Variants in GPC5 observed in about 807,000 individuals in gnomAD.
GPC5 encodes the protein glypican-5.
A neutral mutation model predicts 53.9 loss-of-function variants in GPC5; 47 were observed. The ratio of observed to expected loss-of-function variants is 0.87; its 90% CI spans 0.69 to 1.11. The LOEUF is 1.11. Ranked by LOEUF, GPC5 falls within the 50% of genes most tolerant of loss-of-function variation. The pLI, the probability that GPC5 is intolerant of heterozygous loss-of-function variation, is 0.00. For missense variants in GPC5, 748 were observed against 713.1 expected, an observed-to-expected ratio of 1.05 and a Z score of -0.56; for synonymous variants, 286 against 263.3, an observed-to-expected ratio of 1.09 and a Z score of -0.84.
chr13:92,257,884 C>T lies in GPC5; in HGVS notation c.1561+112895C>T, dbSNP rs149940174. ...GTTTAGATAAGAGTCCTTTGAGTTG[C>T]GGAACTCATGAATGAAGTGAACTTG... is the stretch of plus-strand genomic sequence containing the variant. On this transcript the variant is annotated intron_variant, in intron 7 of 7. Transcript: ENST00000377067. Among the ~76,000 whole-genome samples the T allele has an allele frequency of 1.7e-4, 26 of 151,970 alleles. No individual in the cohort carries two copies. In the East Asian group the frequency reaches 2.1e-3, roughly 12 times the overall value.
At chr13:92,528,892 T>C (rs1170110881) in intron 7 of GPC5, among the ~76,000 whole-genome samples, 1 of 152,066 alleles carries the variant, frequency 6.6e-6, no homozygotes, top group Non-Finnish European at 1.5e-5. Context: ...CACTTATTAA[T>C]GATCATAAAG....
At chr13:92,296,334 T>C (rs2043034261) in intron 7 of GPC5, among the ~76,000 whole-genome samples, 1 of 151,474 alleles carries the variant, frequency 6.6e-6, no homozygotes, top group African/African-American at 2.4e-5. Context: ...CTCCCAAGAG[T>C]CTTCAGTTAC....
chr13:92,015,142 C>A (rs1042609504), intron 6 of GPC5, among the ~76,000 whole-genome samples: 2 of 151,954 alleles, frequency 1.3e-5, no homozygotes, highest in African/African-American at 4.8e-5. Context: ...GTTGTTTCCT[C>A]GGGGAAAGGG....
intron 2 of GPC5, among the ~76,000 whole-genome samples, chr13:91,478,615 T>C: frequency 6.6e-6 from 1 of 151,078 alleles, no homozygotes; most frequent in Non-Finnish European, 1.5e-5. Context: ...GATATATTTT[T>C]ATTAAAGTAT....
At chr13:92,475,846 A>G (rs1365270399) in intron 7 of GPC5, among the ~76,000 whole-genome samples, 2 of 150,476 alleles carry the variant, frequency 1.3e-5, no homozygotes, top group East Asian at 3.9e-4. Flanking sequence ...CCATATGTAG[A>G]AAGCTGAAAC....
chr13:91,641,145 G>A (rs1002609366), intron 2 of GPC5, among the ~76,000 whole-genome samples: 28 of 152,110 alleles, frequency 1.8e-4, no homozygotes, highest in African/African-American at 6.3e-4. Context: ...GGCTAACACG[G>A]TGAAACGCAG....
At chr13:91,430,351 G>A (rs890211354) in intron 1 of GPC5, among the ~76,000 whole-genome samples, 42 of 152,206 alleles carry the variant, frequency 2.8e-4, no homozygotes, top group African/African-American at 8.7e-4. Flanking sequence ...ACAAATCCTA[G>A]TTGGCTTAAA....
chr13:92,128,626 A>G (rs1460577413), intron 6 of GPC5, among the ~76,000 whole-genome samples: 1 of 152,226 alleles, frequency 6.6e-6, no homozygotes, highest in Non-Finnish European at 1.5e-5. Context: ...TAGAACAGCC[A>G]TCTTAAATCC....
At chr13:92,428,869 CA>C (rs1157788307) in intron 7 of GPC5, among the ~76,000 whole-genome samples, 1 of 151,984 alleles carries the variant, frequency 6.6e-6, no homozygotes, top group Non-Finnish European at 1.5e-5. Flanking sequence ...AGAAGTCTGG[CA>C]AATCTCTGGC....
intron 7 of GPC5, among the ~76,000 whole-genome samples, chr13:92,202,994 A>G (rs565946841): frequency 6.6e-6 from 1 of 152,218 alleles, no homozygotes; most frequent in East Asian, 1.9e-4. Flanking sequence ...CAATCATACA[A>G]TCAATGTTTG....
At chr13:92,098,242 T>A (rs1451168258) in intron 6 of GPC5, among the ~76,000 whole-genome samples, 1 of 152,158 alleles carries the variant, frequency 6.6e-6, no homozygotes, top group Non-Finnish European at 1.5e-5. Context: ...CTCCCACTTA[T>A]AAGTGAGAGC....
At chr13:92,248,038 C>T (rs1052848911) in intron 7 of GPC5, among the ~76,000 whole-genome samples, 37 of 151,938 alleles carry the variant, frequency 2.4e-4, no homozygotes, top group East Asian at 1.9e-4. Context: ...GTTATCAGGA[C>T]GTTGAAGATG....
intron 7 of GPC5, among the ~76,000 whole-genome samples, chr13:92,300,101 C>T (rs2043065367): frequency 6.6e-6 from 1 of 152,132 alleles, no homozygotes; most frequent in South Asian, 2.1e-4. Flanking sequence ...GTTGAAACTC[C>T]TTATTCTCTT....
chr13:92,252,297 T>C (rs1164322725), intron 7 of GPC5, among the ~76,000 whole-genome samples: 1 of 152,096 alleles, frequency 6.6e-6, no homozygotes, highest in East Asian at 1.9e-4. Flanking sequence ...ATATTTTTGG[T>C]TAACTGATGT....
rs911858127 is a variant in GPC5 at position 91,468,645 on chromosome 13, T to C, written c.325+19723T>C. On this transcript the variant is annotated intron_variant, in intron 2 of 7. Transcript: ENST00000377067. ...TCTGCTTACAGCTTGATCTTAGACC[T>C]CTGGCCTCCAGAACTGTGAATCCAT... is the stretch of plus-strand genomic sequence containing the variant. 3.5e-4 allele frequency among the ~76,000 whole-genome samples: 53 copies of C among 152,146 alleles called. 2 individuals are homozygous for C. The highest frequency in any genetic ancestry group is 8.8e-5 in the Non-Finnish European group (6 of 68,026).
intron 5 of GPC5, among the ~76,000 whole-genome samples, chr13:91,815,500 A>C (rs1273252043): frequency 6.6e-6 from 1 of 152,238 alleles, no homozygotes; most frequent in Non-Finnish European, 1.5e-5. Flanking sequence ...TCCACACACA[A>C]AAAATGATAT....
intron 2 of GPC5, among the ~76,000 whole-genome samples, chr13:91,540,538 G>T (rs2029878549): frequency 6.6e-6 from 1 of 152,286 alleles, no homozygotes; most frequent in Non-Finnish European, 1.5e-5. Flanking sequence ...GAAGTTGATT[G>T]TGGTGATGGT....
intron 7 of GPC5, among the ~76,000 whole-genome samples, chr13:92,574,643 G>A (rs1883136421): frequency 6.6e-6 from 1 of 152,146 alleles, no homozygotes; most frequent in Admixed American, 6.6e-5. Context: ...TGTTTCTGTT[G>A]TGAATGATTT....
In GPC5 at chr13:91,764,942, T is replaced by C. The variant is rs377461216; in HGVS notation, c.1280+8522T>C. Among the ~76,000 whole-genome samples the C allele has an allele frequency of 7.9e-5, 12 of 152,346 alleles. No individual in the cohort carries two copies. In the East Asian group the frequency reaches 1.2e-3, roughly 15 times the overall value. ...TAGTGCTTTTGTGTGCTTAAGACAATGTCTCTCCCCTCTATTTCTCCATGT... is the reference window on the plus strand; with the variant it reads ...TAGTGCTTTTGTGTGCTTAAGACAACGTCTCTCCCCTCTATTTCTCCATGT... On this transcript the variant is annotated intron_variant, in intron 5 of 7. Coordinates refer to ENST00000377067, the MANE Select transcript of GPC5 (RefSeq NM_004466.6).
Sources: gnomAD v4.1 joint callset for allele counts (sites outside exome capture counted in the v4.1 genomes callset) on GRCh38, gnomAD v4.1.1 for gene constraint, MANE v1.5 for transcripts, NCBI Gene and HGNC (gene_info 2026-07-23, HGNC 2026-07-21) for gene names.